FBXO36: variants seen among roughly 807,000 people sequenced by gnomAD.
The protein encoded by FBXO36 is F-box protein 36.
Under a neutral mutation model 17.0 loss-of-function variants are expected in FBXO36, and 18 were observed. That is an observed-to-expected ratio of 1.06 (90% confidence interval 0.73 to 1.57). The LOEUF (loss-of-function observed/expected upper bound fraction) is 1.57. Among genes scored for constraint, FBXO36 ranks in the 40% most tolerant of loss-of-function variants. FBXO36 has a pLI of 0.00. For missense variants in FBXO36, 229 were observed against 221.9 expected (o/e 1.03, Z -0.20); for synonymous variants, 83 against 85.3 (o/e 0.97, Z 0.15).
intron 1 of FBXO36, among the ~76,000 whole-genome samples, chr2:229,965,199 C>T (rs1175927444): frequency 3.7e-5 from 5 of 134,934 alleles, no homozygotes; most frequent in Non-Finnish European, 4.6e-5. Flanking sequence ...TGCCCAGGCT[C>T]GTCTCAAACA....
intron 2 of FBXO36, among the ~76,000 whole-genome samples, chr2:229,983,405 C>G (rs1255846937): frequency 2.0e-5 from 3 of 151,772 alleles, no homozygotes; most frequent in African/African-American, 7.3e-5. Context: ...ACAAAACAAT[C>G]CTCCCACCTC....
At chr2:229,965,727 G>C (rs1246871068) in intron 1 of FBXO36, among the ~76,000 whole-genome samples, 1 of 152,142 alleles carries the variant, frequency 6.6e-6, no homozygotes, top group Non-Finnish European at 1.5e-5. Flanking sequence ...TGGCTGCATA[G>C]TATTCTACGG....
intron 1 of FBXO36, among the ~76,000 whole-genome samples, chr2:229,935,760 C>G (rs1410857471): frequency 6.6e-6 from 1 of 152,102 alleles, no homozygotes; most frequent in African/African-American, 2.4e-5. Context: ...AAAAAATGGA[C>G]TTCAGCTCAT....
At chr2:229,969,225 T>A (rs2077168752) in intron 1 of FBXO36, among the ~76,000 whole-genome samples, 1 of 151,910 alleles carries the variant, frequency 6.6e-6, no homozygotes, top group Admixed American at 6.6e-5. Context: ...TGTTTTTTTT[T>A]TCTTTTTTGA....
Position 230,011,598 on chromosome 2 carries a change from C to CTTTTTTTTTTTTTTTTTTT in FBXO36, c.*731_*732insTTTTTTTTTTTTTTTTTTT, listed in dbSNP as rs5839351. ...AACCTATAAACATTTCTTTTCTTTT[C>CTTTTTTTTTTTTTTTTTTT]TTTTTTTTTTTTTTTTTGTATTTTC... On this transcript the variant is annotated 3_prime_UTR_variant, in exon 4 of 4. Coordinates refer to ENST00000283946, the MANE Select transcript of FBXO36 (RefSeq NM_174899.5). 6.8e-4 allele frequency: 84 copies of CTTTTTTTTTTTTTTTTTTT among 123,374 alleles called. No homozygotes were observed. Among genetic ancestry groups the CTTTTTTTTTTTTTTTTTTT allele is most frequent in the Middle Eastern group, 4.9e-3 (1 of 206 alleles). The allele number at this position is 123,374 out of a possible 1,614,324, so 7.6% of individuals were successfully genotyped here.
chr2:229,928,396 T>TA (rs1360263377), intron 1 of FBXO36, among the ~76,000 whole-genome samples: 1 of 152,248 alleles, frequency 6.6e-6, no homozygotes, highest in Admixed American at 6.5e-5. Context: ...TCTTAAGAGT[T>TA]ACAGATTTTT....
At chr2:229,956,364 G>C (rs898837294) in intron 1 of FBXO36, among the ~76,000 whole-genome samples, 1 of 152,120 alleles carries the variant, frequency 6.6e-6, no homozygotes, top group African/African-American at 2.4e-5. Context: ...CCCTCTGAAG[G>C]TTCCGTAATT....
chr2:229,994,642 T>C (rs1265569451), intron 2 of FBXO36, among the ~76,000 whole-genome samples: 2 of 152,232 alleles, frequency 1.3e-5, no homozygotes, highest in South Asian at 2.1e-4. Flanking sequence ...TCGCCAAATA[T>C]TGGACAGTGA....
chr2:229,955,517 GA>G (rs1402445030), intron 1 of FBXO36, among the ~76,000 whole-genome samples: 85 of 137,854 alleles, frequency 6.2e-4, no homozygotes, highest in Middle Eastern at 3.8e-3. Context: ...CCCCGTCTCA[GA>G]AAAAAAAAAA....
At chr2:229,981,674 C>T (rs1259311149) in intron 2 of FBXO36, among the ~76,000 whole-genome samples, 2 of 132,378 alleles carry the variant, frequency 1.5e-5, no homozygotes, top group Non-Finnish European at 3.1e-5. Context: ...TATACTCCAA[C>T]CTGGGTGACA....
intron 1 of FBXO36, among the ~76,000 whole-genome samples, chr2:229,944,290 TAAAG>T (rs2106166328): frequency 6.6e-6 from 1 of 152,314 alleles, no homozygotes; most frequent in South Asian, 2.1e-4. Flanking sequence ...TAAGGTAAAA[TAAAG>T]CTAGCAAACA....
intron 1 of FBXO36, among the ~76,000 whole-genome samples, chr2:229,964,417 G>T (rs1428851907): frequency 1.3e-5 from 2 of 152,110 alleles, no homozygotes; most frequent in East Asian, 3.9e-4. Context: ...TTAACATGCC[G>T]TAAATGGAAT....
intron 1 of FBXO36, among the ~76,000 whole-genome samples, chr2:229,954,260 T>TTTTTTTTTTTTTTG (rs1491181304): frequency 8.0e-6 from 1 of 124,864 alleles, no homozygotes; most frequent in Non-Finnish European, 1.7e-5. Flanking sequence ...TTTTTTTTTT[T>TTTTTTTTTTTTTTG]GAGACAGAGT....
chr2:229,935,608 A>G (rs2076959892), intron 1 of FBXO36, among the ~76,000 whole-genome samples: 1 of 152,190 alleles, frequency 6.6e-6, no homozygotes, highest in Non-Finnish European at 1.5e-5. Context: ...TGAATTTGGT[A>G]TTTGATAAGG....
chr2:229,965,733 T>C (rs1475215706), intron 1 of FBXO36, among the ~76,000 whole-genome samples: 9 of 152,200 alleles, frequency 5.9e-5, no homozygotes, highest in Non-Finnish European at 1.2e-4. Context: ...CATAGTATTC[T>C]ACGGTGTATA....
intron 1 of FBXO36, among the ~76,000 whole-genome samples, chr2:229,936,942 A>C (rs2076967131): frequency 6.6e-6 from 1 of 152,212 alleles, no homozygotes; most frequent in African/African-American, 2.4e-5. Flanking sequence ...GCATTTTATT[A>C]TAAAATTAAG....
At chr2:229,925,218 A>G (rs1209044099) in intron 1 of FBXO36, among the ~76,000 whole-genome samples, 1 of 151,850 alleles carries the variant, frequency 6.6e-6, no homozygotes, top group African/African-American at 2.4e-5. Context: ...TTTCTTTTTT[A>G]AGCATGCTGA....
chr2:229,974,109 G>T (rs2077195479), intron 1 of FBXO36, among the ~76,000 whole-genome samples: 1 of 152,164 alleles, frequency 6.6e-6, no homozygotes, highest in South Asian at 2.1e-4. Flanking sequence ...ACAATACATG[G>T]AACATAATTG....
intron 1 of FBXO36, among the ~76,000 whole-genome samples, chr2:229,951,591 A>T (rs2077058307): frequency 6.6e-6 from 1 of 152,200 alleles, no homozygotes; most frequent in Non-Finnish European, 1.5e-5. Flanking sequence ...CTTCCTTATG[A>T]TGCTTACTCA....
Sources: allele counts gnomAD v4.1 joint callset (sites outside exome capture counted in the v4.1 genomes callset), GRCh38; gene constraint gnomAD v4.1.1; transcripts MANE v1.5; gene names NCBI Gene and HGNC (gene_info 2026-07-23, HGNC 2026-07-21).